The following ABAT variants were observed in gnomAD, a reference collection of about 807,000 sequenced individuals.
The protein encoded by ABAT is 4-aminobutyrate aminotransferase.
In ABAT, 45 loss-of-function variants were observed where a neutral mutation model predicts 64.6. That is an observed-to-expected ratio of 0.70 (90% CI 0.55 to 0.89). The LOEUF is 0.89. ABAT is among the 40% of genes least tolerant of loss of function. The pLI is 0.00. For synonymous variants in ABAT, 297 were observed against 250.5 expected, an observed-to-expected ratio of 1.19 and a Z score of -1.75; for missense variants, 633 against 658.4, an observed-to-expected ratio of 0.96 and a Z score of 0.42.
chr16:8,694,311 C>T (rs899923266), intron 1 of ABAT, among the ~76,000 whole-genome samples: 5 of 152,124 alleles, frequency 3.3e-5, no homozygotes, highest in African/African-American at 1.2e-4. Flanking sequence ...GCGTGAGCCA[C>T]CGCGCCCGGC....
chr16:8,729,666 A>G (rs140671399), intron 1 of ABAT, among the ~76,000 whole-genome samples: 11 of 152,068 alleles, frequency 7.2e-5, no homozygotes, highest in African/African-American at 2.7e-4. Context: ...AAAAATATAT[A>G]TATTTAAAAA....
chr16:8,675,169 C>G (rs547912205), intron 1 of ABAT, among the ~76,000 whole-genome samples: 1 of 151,868 alleles, frequency 6.6e-6, no homozygotes, highest in Non-Finnish European at 1.5e-5. Context: ...TGGAAGCTCT[C>G]CCCCCATCAT....
At chr16:8,745,054 C>T (rs1243142709) in intron 2 of ABAT, among the ~76,000 whole-genome samples, 2 of 152,122 alleles carry the variant, frequency 1.3e-5, no homozygotes, top group East Asian at 1.9e-4. Flanking sequence ...GTAATCATGG[C>T]TCACTGCAGC....
chr16:8,722,957 A>C lies in ABAT; in HGVS notation c.-41-12742A>C, dbSNP rs2058417056. 3 of 1,007,194 alleles carry C rather than the reference A, an allele frequency of 3.0e-6. No individual in the cohort carries two copies. In the Admixed American group the frequency reaches 7.1e-5, roughly 24 times the overall value. The allele number at this position is 1,007,194 out of a possible 1,614,324, so 62.4% of individuals were successfully genotyped here. On this transcript the variant is annotated intron_variant, in intron 1 of 15. Transcript: ENST00000268251. ...ACGGGCCTTAGAAACAATGTGATCC[A>C]GCCAGGCAAGGTGGCTCATGCCTGT...
At chr16:8,691,187 T>G (rs999545007) in intron 1 of ABAT, among the ~76,000 whole-genome samples, 5 of 152,310 alleles carry the variant, frequency 3.3e-5, no homozygotes, top group Middle Eastern at 6.8e-3. Context: ...TGCTTGGTAA[T>G]ATACTGTGTA....
At position 8,757,810 on chromosome 16, in the gene ABAT, G is replaced by T. The variant is rs2059689890; in HGVS notation, c.366+4G>T. On this transcript the variant is annotated splice_donor_region_variant and intron_variant, in intron 6 of 15. Coordinates refer to ENST00000268251, the MANE Select transcript of ABAT (RefSeq NM_020686.6). ...CATCCAACAGCCTCAAAATGCGGTA[G>T]GTCTTGGGGTTACACAGAAGAAAGA... The T allele has an allele frequency of 1.2e-6, 2 of 1,613,970 alleles. No individual in the cohort carries two copies. The highest frequency in any genetic ancestry group is 4.5e-5 in the East Asian group (2 of 44,870).
chr16:8,706,242 T>A (rs569193939), intron 1 of ABAT, among the ~76,000 whole-genome samples: 25 of 148,308 alleles, frequency 1.7e-4, no homozygotes, highest in South Asian at 1.1e-3. Flanking sequence ...AAAAAAAATA[T>A]ATATATATAT....
intron 1 of ABAT, among the ~76,000 whole-genome samples, chr16:8,706,674 C>T (rs1440926558): frequency 1.3e-5 from 2 of 152,034 alleles, no homozygotes; most frequent in African/African-American, 2.4e-5. Flanking sequence ...GATCGTGCCA[C>T]GGCACTTCAG....
At chr16:8,726,455 A>T (rs8059762) in intron 1 of ABAT, among the ~76,000 whole-genome samples, 6 of 151,536 alleles carry the variant, frequency 4.0e-5, no homozygotes, top group African/African-American at 9.7e-5. Context: ...GATGGGGTTT[A>T]GCCATGTTCG....
intron 1 of ABAT, among the ~76,000 whole-genome samples, chr16:8,712,103 T>C (rs975051463): frequency 6.6e-6 from 1 of 151,898 alleles, no homozygotes; most frequent in African/African-American, 2.4e-5. Flanking sequence ...TGGTTGCTTG[T>C]ACCTGTAATC....
chr16:8,737,985 GAAGGAGGAAAGA>G (rs1332416536), intron 2 of ABAT, among the ~76,000 whole-genome samples: 2 of 4,110 alleles, frequency 4.9e-4, no homozygotes, highest in Non-Finnish European at 1.1e-3. Flanking sequence ...AGGAAGGAAG[GAAGGAGGAAAGA>G]AAGAAAGAAA....
chr16:8,721,647 G>T (rs111603705), intron 1 of ABAT, among the ~76,000 whole-genome samples: 1 of 152,182 alleles, frequency 6.6e-6, no homozygotes, highest in Non-Finnish European at 1.5e-5. Flanking sequence ...TGTGGTAGGT[G>T]AACAGTAAGT....
At chr16:8,745,842 C>T (rs186207312) in intron 2 of ABAT, among the ~76,000 whole-genome samples, 159 bp from the exon 3 acceptor site, 131 of 152,246 alleles carry the variant, frequency 8.6e-4, no homozygotes, top group African/African-American at 3.0e-3. Context: ...TGTGGTGGCC[C>T]AGTTGGTCTG....
At chr16:8,755,756 C>CAAA (rs34651404) in intron 5 of ABAT, among the ~76,000 whole-genome samples, 18,565 of 151,246 alleles carry the variant, frequency 0.12, 1,380 homozygotes, top group East Asian at 0.23. Flanking sequence ...ACTAAAAATA[C>CAAA]AAAAAAATTG....
At chr16:8,680,073 A>G (rs1256071434) in intron 1 of ABAT, among the ~76,000 whole-genome samples, 1 of 152,060 alleles carries the variant, frequency 6.6e-6, no homozygotes, top group Non-Finnish European at 1.5e-5. Flanking sequence ...TTTTACAGGT[A>G]GTCTTCCCCG....
intron 11 of ABAT, among the ~76,000 whole-genome samples, chr16:8,769,250 A>G (rs956074067): frequency 6.6e-6 from 1 of 152,214 alleles, no homozygotes; most frequent in Admixed American, 6.5e-5. Flanking sequence ...CAATGACTCT[A>G]AAATAAGAGA....
chr16:8,774,343 T>C (rs978653059), intron 12 of ABAT, among the ~76,000 whole-genome samples: 18 of 152,196 alleles, frequency 1.2e-4, no homozygotes, highest in African/African-American at 4.3e-4. Flanking sequence ...AGTGCAGGTA[T>C]CTCTTTGACA....
chr16:8,737,515 A>C (rs2142427739), intron 2 of ABAT: 1 of 151,522 alleles, frequency 6.6e-6, no homozygotes, highest in East Asian at 2.0e-4. Flanking sequence ...TATTTTTTAA[A>C]AATTTTAGAT....
At chr16:8,734,857 A>C (rs147964683) in intron 1 of ABAT, among the ~76,000 whole-genome samples, 2,083 of 152,238 alleles carry the variant, frequency 0.014, 25 homozygotes, top group Middle Eastern at 0.031. Flanking sequence ...GGGAGCAAGG[A>C]GAGATGATAA....
Sources: allele counts gnomAD v4.1 joint callset (sites outside exome capture counted in the v4.1 genomes callset), GRCh38; gene constraint gnomAD v4.1.1; transcripts MANE v1.5; gene names NCBI Gene and HGNC (gene_info 2026-07-23, HGNC 2026-07-21).